NOC3L: variants seen among roughly 807,000 people sequenced by gnomAD.
NOC3L encodes nucleolar complex protein 3 homolog.
NOC3L carries 85 observed loss-of-function variants against 102.5 expected under a neutral mutation model. The observed-to-expected ratio is 0.83, with a 90% confidence interval of 0.70 to 0.99. NOC3L has a LOEUF of 0.99. NOC3L is among the 50% of genes least tolerant of loss of function. The pLI is 0.00. For synonymous variants in NOC3L, 303 were observed against 309.4 expected, an observed-to-expected ratio of 0.98 and a Z score of 0.22; for missense variants, 878 against 914.9, an observed-to-expected ratio of 0.96 and a Z score of 0.52.
intron 17 of NOC3L, 26 bp from the exon 18 acceptor site, chr10:94,338,762 T>A: frequency 6.2e-7 from 1 of 1,601,962 alleles, no homozygotes; most frequent in Non-Finnish European, 8.5e-7. Flanking sequence ...ATAAAAAGAA[T>A]TGGTTAAATT....
rs2054264394 is a variant in NOC3L at position 94,340,038 on chromosome 10, AT to A, written c.1781-119del. On this transcript the variant is annotated intron_variant, in intron 16 of 20. Transcript: ENST00000371361. ...GTACCTGTCCCAAACCATTTCTCTA[AT>A]CAATGAGGTAGTGCTATACTGCTAA... The A allele has an allele frequency of 5.6e-6, 5 of 885,846 alleles. No homozygotes were observed. The South Asian group carries it at 8.7e-5, about 15-fold the overall frequency. The allele number at this position is 885,846 out of a possible 1,614,324, so 54.9% of individuals were successfully genotyped here.
At chr10:94,352,491 C>T in intron 7 of NOC3L, 88 bp from the exon 8 acceptor site, 1 of 829,188 alleles carries the variant, frequency 1.2e-6, no homozygotes, top group Non-Finnish European at 2.0e-6. Context: ...CTAGTATACA[C>T]CCAGTACTAT....
the NOC3L span, chr10:94,324,899 G>A: frequency 1.2e-6 from 2 of 1,614,056 alleles, no homozygotes; most frequent in South Asian, 1.1e-5. Context: ...CAGGCATCTC[G>A]AGAAGATAAA....
Position 94,352,165 on chromosome 10 carries a change from C to T in NOC3L, c.952+145G>A, listed in dbSNP as rs1287061620. ...TCACATAGGTAGTAAGTGGTGGAGCCAGGATTTGACCCCTGGAAGTCTGAC... is the reference window on the plus strand; with the variant it reads ...TCACATAGGTAGTAAGTGGTGGAGCTAGGATTTGACCCCTGGAAGTCTGAC... On this transcript the variant is annotated intron_variant, in intron 8 of 20. Transcript: ENST00000371361. The T allele has an allele frequency of 7.8e-6, 4 of 510,834 alleles. No individual in the cohort carries two copies. The African/African-American group carries it at 7.9e-5, about 10-fold the overall frequency. The allele number at this position is 510,834 out of a possible 1,614,324, so 31.6% of individuals were successfully genotyped here. A position where few individuals can be genotyped will look rare whatever the true frequency, so the allele number is the denominator to read the frequency against.
intron 5 of NOC3L, among the ~76,000 whole-genome samples, chr10:94,355,737 T>C (rs1188697319): frequency 1.3e-5 from 2 of 152,108 alleles, no homozygotes; most frequent in East Asian, 3.9e-4. Flanking sequence ...AAATAATTCA[T>C]ATTAATTAAC....
intron 10 of NOC3L, 102 bp from the exon 11 acceptor site, chr10:94,346,658 GA>G: frequency 1.7e-6 from 1 of 580,260 alleles, no homozygotes; most frequent in East Asian, 4.3e-5. Context: ...CCTCGTTCAT[GA>G]AAAAACCTTC....
intron 13 of NOC3L, among the ~76,000 whole-genome samples, chr10:94,342,801 C>A (rs2054301189): frequency 6.6e-6 from 1 of 151,180 alleles, no homozygotes; most frequent in African/African-American, 2.4e-5. Flanking sequence ...AGATGGCAGG[C>A]AGGCCCGGTG....
chr10:94,359,373 C>T (rs71482305), intron 2 of NOC3L, among the ~76,000 whole-genome samples: 22,420 of 151,438 alleles, frequency 0.15, 1,753 homozygotes, highest in Middle Eastern at 0.26. Context: ...TTGCAATGAG[C>T]AGAGCAGAGA....
intron 8 of NOC3L, among the ~76,000 whole-genome samples, chr10:94,350,905 T>C (rs1317128492): frequency 1.3e-5 from 2 of 151,972 alleles, no homozygotes; most frequent in Admixed American, 1.3e-4. Context: ...CAAACCAGAT[T>C]TGAACTTAGT....
intron 14 of NOC3L, among the ~76,000 whole-genome samples, chr10:94,341,229 G>A (rs2054280629): frequency 6.7e-6 from 1 of 149,900 alleles, no homozygotes; most frequent in South Asian, 2.1e-4. Flanking sequence ...GTATGAGGCA[G>A]ATTTACAGGG....
rs1365124538 is a variant in NOC3L, at chr10:94,333,543, GAATCATATTCA to G, written c.*623_*633del. 3 of 152,068 alleles carry G rather than the reference GAATCATATTCA, an allele frequency of 2.0e-5. No individual in the cohort carries two copies. The highest frequency in any genetic ancestry group is 7.2e-5 in the African/African-American group (3 of 41,406). 9.4% of individuals were successfully genotyped at this position (152,068 alleles called of 1,614,324 possible). A position where few individuals can be genotyped will look rare whatever the true frequency, so the allele number is the denominator to read the frequency against. On this transcript the variant is annotated 3_prime_UTR_variant, in exon 21 of 21. Transcript: ENST00000371361. ...AAAACGTGAAGAACTTTAGAGACTA[GAATCATATTCA>G]AACTTTCCTTGAAAGTAGCTATAAT...
chr10:94,361,631 TG>T, intron 2 of NOC3L, 33 bp downstream of exon 2: 2 of 1,585,838 alleles, frequency 1.3e-6, no homozygotes, highest in East Asian at 4.5e-5. Flanking sequence ...AATAAATCAA[TG>T]GAAACCAGAG....
chr10:94,332,548 T>TG, downstream of NOC3L: 1 of 143,922 alleles, frequency 6.9e-6, no homozygotes, highest in Non-Finnish European at 1.5e-5. Context: ...TGTGTGTGTG[T>TG]TTAAACATAA....
chr10:94,356,640 A>C, intron 4 of NOC3L, 49 bp from the exon 5 acceptor site: 1 of 1,103,182 alleles, frequency 9.1e-7, no homozygotes, highest in Non-Finnish European at 1.4e-6. Flanking sequence ...CTTAAGTGGT[A>C]AAAACTGTAA....
At chr10:94,354,290 A>G (rs2054456903) in intron 6 of NOC3L, among the ~76,000 whole-genome samples, 1 of 152,210 alleles carries the variant, frequency 6.6e-6, no homozygotes, top group South Asian at 2.1e-4. Context: ...AACAATAATA[A>G]TAGTATCATT....
At chr10:94,341,242 A>C (rs2054280736) in intron 14 of NOC3L, among the ~76,000 whole-genome samples, 1 of 148,154 alleles carries the variant, frequency 6.7e-6, no homozygotes, top group South Asian at 2.1e-4. Flanking sequence ...TTACAGGGTG[A>C]CTATAGTTTA....
At chr10:94,325,724 C>CTGA in the NOC3L span, 1 of 152,198 alleles carries the variant, frequency 6.6e-6, no homozygotes, top group Non-Finnish European at 1.5e-5. Flanking sequence ...CCAAAGTACT[C>CTGA]TGATAGCCTT....
chr10:94,329,012 T>A (rs535473880), downstream of NOC3L: 2 of 152,338 alleles, frequency 1.3e-5, no homozygotes, highest in South Asian at 2.1e-4. Flanking sequence ...ACACTATACT[T>A]ATATATTTAT....
chr10:94,329,779 A>G (rs1589559587), downstream of NOC3L: 1 of 74,426 alleles, frequency 1.3e-5, no homozygotes, highest in Admixed American at 1.2e-4. Context: ...TCCGTCTCAA[A>G]AAAAAAAAAA....
Sources: gnomAD v4.1 joint callset for allele counts (sites outside exome capture counted in the v4.1 genomes callset) on GRCh38, gnomAD v4.1.1 for gene constraint, MANE v1.5 for transcripts, NCBI Gene and HGNC (gene_info 2026-07-23, HGNC 2026-07-21) for gene names.